The following TBKBP1 variants were observed in gnomAD, a reference collection of about 807,000 sequenced individuals.
The protein encoded by TBKBP1 is TANK-binding kinase 1-binding protein 1.
In TBKBP1, 47 loss-of-function variants were observed where a neutral mutation model predicts 69.9. That is an observed-to-expected ratio of 0.67 (90% CI 0.53 to 0.86). TBKBP1 has a LOEUF of 0.86. Among genes scored for constraint, TBKBP1 ranks in the 40% least tolerant of loss-of-function variants. TBKBP1 has a pLI of 0.00. For missense variants in TBKBP1, 831 were observed against 858.6 expected (o/e 0.97, Z 0.40); for synonymous variants, 418 against 390.3 (o/e 1.07, Z -0.84).
chr17:47,710,312 C>A (rs545258977), intron 9 of TBKBP1, among the ~76,000 whole-genome samples, 186 bp from the exon 10 acceptor site: 1 of 152,280 alleles, frequency 6.6e-6, no homozygotes, highest in South Asian at 2.1e-4. Context: ...CCTGGGGACC[C>A]TGTCCCTGGG....
chr17:47,702,883 C>T (rs188897350), intron 7 of TBKBP1, among the ~76,000 whole-genome samples: 5 of 152,024 alleles, frequency 3.3e-5, no homozygotes, highest in African/African-American at 1.2e-4. Flanking sequence ...GTGGAAGGCG[C>T]AGCACCCACA....
intron 5 of TBKBP1, 36 bp from the exon 6 acceptor site, chr17:47,699,284 G>A: frequency 1.4e-6 from 2 of 1,478,358 alleles, no homozygotes; most frequent in Non-Finnish European, 1.8e-6. Flanking sequence ...GGAGGAGGCA[G>A]CTGAGCTCGC....
intron 7 of TBKBP1, among the ~76,000 whole-genome samples, chr17:47,703,704 C>G (rs1395482370): frequency 6.6e-6 from 1 of 152,238 alleles, no homozygotes; most frequent in African/African-American, 2.4e-5. Context: ...ACAAGTTTCC[C>G]CCCTTCTCCA....
chr17:47,699,169 T>G (rs771136940), intron 5 of TBKBP1, 151 bp from the exon 6 acceptor site: 14 of 845,618 alleles, frequency 1.7e-5, no homozygotes, highest in Middle Eastern at 3.9e-4. Context: ...AGCCCATCTT[T>G]CCTCGCTGCC....
At chr17:47,694,230 G>C (rs1430728431) in intron 1 of TBKBP1, 36 bp downstream of exon 1, 2 of 150,056 alleles carry the variant, frequency 1.3e-5, no homozygotes, top group South Asian at 4.2e-4. Context: ...TGGGGGAGGG[G>C]AGCGGCGCCC....
Position 47,709,469 on chromosome 17 carries a change from C to T in TBKBP1, c.1719+17C>T, listed in dbSNP as rs1433855304. The stretch of plus-strand genomic sequence containing the variant: ...TCCATCAACGTGAGTGGGGCGCCCG[C>T]GTTCCGCCCACCCCGGACCGGGCCT... On this transcript the variant is annotated intron_variant, in intron 9 of 9. Coordinates refer to ENST00000578982, the MANE Select transcript of TBKBP1 (RefSeq NM_001394755.1). The T allele has an allele frequency of 3.3e-6, 5 of 1,501,998 alleles. No individual in the cohort carries two copies. The highest frequency in any genetic ancestry group is 8.8e-7 in the Non-Finnish European group (1 of 1,132,240). 93.0% of individuals were successfully genotyped at this position (1,501,998 alleles called of 1,614,324 possible). A position where few individuals can be genotyped will look rare whatever the true frequency, so the allele number is the denominator to read the frequency against.
At position 47,708,290 on chromosome 17, in the gene TBKBP1, GAGCATGGTGGGGCC is replaced by G; in HGVS notation, c.873-101_873-88del. ...GTAGGAGGGCCCTGCGGGTGGGAGG[GAGCATGGTGGGGCC>G]AGATGCTGGGGTAGAGCCAGTTCTT... On this transcript the variant is annotated intron_variant, in intron 7 of 9. Coordinates refer to ENST00000578982, the MANE Select transcript of TBKBP1 (RefSeq NM_001394755.1). This position sits in a 1 kb window ranked among gnomAD's most constrained non-coding sequence, Gnocchi z 4.4. 5 of 1,225,138 alleles carry G rather than the reference GAGCATGGTGGGGCC, an allele frequency of 4.1e-6. No individual in the cohort carries two copies. The South Asian group carries it at 6.9e-5, about 17-fold the overall frequency. 75.9% of individuals were successfully genotyped at this position (1,225,138 alleles called of 1,614,324 possible).
Position 47,699,368 on chromosome 17 carries a change from G to A in TBKBP1, c.683G>A (p.Arg228Gln), listed in dbSNP as rs375075945. ...AGTGTGAGTGACCTGGAGCGGCGGC[G>A]GCTAGAAGAGGCTTTGGAGGCCGCG... ...TPSVSDLERRRLEEALEAAQG... is the reference protein window; with the variant it reads ...TPSVSDLERRQLEEALEAAQG... The change falls in exon 6 of 10, where the codon CGG becomes CAG. Residue 228 changes from arginine to glutamine, a missense_variant. Arg to Gln is a conservative substitution (Grantham distance 43, BLOSUM62 1). Transcript: ENST00000578982. The A allele has an allele frequency of 2.6e-5, 40 of 1,557,410 alleles. No individual in the cohort carries two copies. The highest frequency in any genetic ancestry group is 2.4e-4 in the Middle Eastern group (1 of 4,252).
At chr17:47,705,956 C>A (rs2031682153) in intron 7 of TBKBP1, among the ~76,000 whole-genome samples, 1 of 152,176 alleles carries the variant, frequency 6.6e-6, no homozygotes, top group East Asian at 1.9e-4. Flanking sequence ...GCCAGGGCTT[C>A]TTCCTTCCAT....
At chr17:47,701,694 G>C (rs547049178) in intron 7 of TBKBP1, among the ~76,000 whole-genome samples, 3 of 152,188 alleles carry the variant, frequency 2.0e-5, no homozygotes, top group Admixed American at 2.0e-4. Flanking sequence ...AGAAGGGGCA[G>C]GGCTCCCAGG....
In TBKBP1 at chr17:47,696,574, G is replaced by A. The variant is rs2031251520; in HGVS notation, c.226-137G>A. On this transcript the variant is annotated intron_variant, in intron 2 of 9. Coordinates refer to ENST00000578982, the MANE Select transcript of TBKBP1 (RefSeq NM_001394755.1). Reference sequence around the variant, plus strand: ...GGGTGGGAGATGGCTACAGACCCATGGGAATTGGGATCCCACTAGCCAAGG... The same window carrying A: ...GGGTGGGAGATGGCTACAGACCCATAGGAATTGGGATCCCACTAGCCAAGG... 6.5e-6 allele frequency: 9 copies of A among 1,389,552 alleles called. No homozygotes were observed. The East Asian group carries it at 1.4e-4, about 22-fold the overall frequency. 86.1% of individuals were successfully genotyped at this position (1,389,552 alleles called of 1,614,324 possible). A position where few individuals can be genotyped will look rare whatever the true frequency, so the allele number is the denominator to read the frequency against.
intron 7 of TBKBP1, among the ~76,000 whole-genome samples, chr17:47,702,486 G>A (rs1333295526): frequency 6.6e-5 from 10 of 152,052 alleles, no homozygotes; most frequent in African/African-American, 2.4e-4. Flanking sequence ...TATTGCGGGA[G>A]TCCTCAAGGT....
intron 7 of TBKBP1, among the ~76,000 whole-genome samples, chr17:47,701,543 T>A (rs950148014): frequency 2.6e-5 from 4 of 152,208 alleles, no homozygotes; most frequent in African/African-American, 9.6e-5. Flanking sequence ...GGCTGGAGTC[T>A]GGCTCTTCAG....
intron 1 of TBKBP1, 25 bp from the exon 2 acceptor site, chr17:47,696,054 T>A (rs372307909): frequency 7.2e-7 from 1 of 1,387,656 alleles, no homozygotes. Context: ...GACGGCCCTG[T>A]CCACGGTTGC....
intron 3 of TBKBP1, 76 bp downstream of exon 3, chr17:47,696,909 C>T (rs1489486514): frequency 6.3e-7 from 1 of 1,577,796 alleles, no homozygotes; most frequent in South Asian, 1.2e-5. Flanking sequence ...CTCCACACCC[C>T]CCAGCATCTG....
intron 9 of TBKBP1, 126 bp from the exon 10 acceptor site, chr17:47,710,372 G>T: frequency 7.8e-7 from 1 of 1,288,666 alleles, no homozygotes; most frequent in Non-Finnish European, 1.1e-6. Flanking sequence ...GCTGAAGAAA[G>T]GGTGGCTGGA....
rs2031410480 is a variant in TBKBP1 at position 47,699,657 on chromosome 17, G to A, written c.832G>A (p.Glu278Lys). 6.2e-7 allele frequency: 1 copy of A among 1,613,988 alleles called. No homozygotes were observed. The highest frequency in any genetic ancestry group is 1.1e-5 in the South Asian group (1 of 91,088). ...TTAGGATCTGGCCTCCAACCAGTCGGAGCGAGACATGGCGTGGGTGAAAAG... is the reference window on the plus strand; with the variant it reads ...TTAGGATCTGGCCTCCAACCAGTCGAAGCGAGACATGGCGTGGGTGAAAAG... ...RAQDLASNQS[E>K]RDMAWVKRVG... Residue 278 changes from glutamate (E) to lysine (K), a missense_variant, in exon 7 of 10, where the codon GAG becomes AAG. Physicochemically the swap from Glu to Lys is moderately conservative, Grantham distance 56. Transcript: ENST00000578982.
rs112849908 is a variant in TBKBP1, at chr17:47,709,474, C to T, written c.1719+22C>T. On this transcript the variant is annotated intron_variant, in intron 9 of 9. Transcript: ENST00000578982. ...CAACGTGAGTGGGGCGCCCGCGTTCCGCCCACCCCGGACCGGGCCTTGAGA... is the reference window on the plus strand; with the variant it reads ...CAACGTGAGTGGGGCGCCCGCGTTCTGCCCACCCCGGACCGGGCCTTGAGA... 832 of 1,492,560 alleles carry T rather than the reference C, an allele frequency of 5.6e-4. 7 individuals carry two copies. In the African/African-American group the frequency reaches 0.011, roughly 19 times the overall value. The allele number at this position is 1,492,560 out of a possible 1,614,324, so 92.5% of individuals were successfully genotyped here.
rs1597953632 is a variant in TBKBP1, at chr17:47,696,290, A to T, written c.178A>T (p.Arg60Trp). 6.2e-7 allele frequency: 1 copy of T among 1,613,422 alleles called. No homozygotes were observed. Residue 60 changes from arginine to tryptophan, a missense_variant, in exon 2 of 10, where the codon AGG becomes TGG. Coordinates refer to ENST00000578982, the MANE Select transcript of TBKBP1 (RefSeq NM_001394755.1). ...CAAGGAACGGCTGGGGGGCCTGGAG[A>T]GGGAGAACGCCACCCTCCGACGCCG... The part of the protein sequence containing the change: ...DIKERLGGLE[R>W]ENATLRRRLK...
Sources: gnomAD v4.1 joint callset for allele counts (sites outside exome capture counted in the v4.1 genomes callset) on GRCh38, gnomAD v4.1.1 for gene constraint, Gnocchi (gnomAD v3.1) non-coding constraint, MANE v1.5 for transcripts, NCBI Gene and HGNC (gene_info 2026-07-23, HGNC 2026-07-21) for gene names.